Variants in ADAM23 observed in about 807,000 individuals in gnomAD.
ADAM23 encodes the protein ADAM metallopeptidase domain 23, also known as disintegrin and metalloproteinase domain-containing protein 23.
A neutral mutation model predicts 120.1 loss-of-function variants in ADAM23; 33 were observed. The ratio of observed to expected loss-of-function variants is 0.27; its 90% CI spans 0.21 to 0.37. ADAM23 has a LOEUF of 0.37. Among genes scored for constraint, ADAM23 ranks in the 10% least tolerant of loss-of-function variants. ADAM23 has a pLI of 1.00. For missense variants in ADAM23, 862 were observed against 1,058.2 expected (o/e 0.81, Z 2.57); for synonymous variants, 367 against 375.2 (o/e 0.98, Z 0.25).
intron 2 of ADAM23, among the ~76,000 whole-genome samples, chr2:206,465,358 A>G (rs1297598429): frequency 2.0e-5 from 3 of 152,196 alleles, no homozygotes; most frequent in African/African-American, 7.2e-5. Context: ...TGCAGATTCT[A>G]TAATTTTTAT....
chr2:206,585,066 G>A (rs955402438), intron 18 of ADAM23, among the ~76,000 whole-genome samples: 1 of 152,126 alleles, frequency 6.6e-6, no homozygotes, highest in African/African-American at 2.4e-5. Context: ...ACAGTATTTG[G>A]GTGTCTCCTG....
In ADAM23 at chr2:206,530,669, CTTTTTTTT is replaced by C. The variant is rs56206262; in HGVS notation, c.510-201_510-194del. Among the ~76,000 whole-genome samples the C allele has an allele frequency of 1.6e-4, 12 of 74,814 alleles. 1 individual carries two copies. Among genetic ancestry groups the C allele is most frequent in the African/African-American group, 2.6e-4 (5 of 19,150 alleles). 49.1% of individuals were successfully genotyped at this position (74,814 alleles called of 152,430 possible). On this transcript the variant is annotated intron_variant, in intron 3 of 25. Coordinates refer to ENST00000264377, the MANE Select transcript of ADAM23 (RefSeq NM_003812.4). ...CACCGTTGGATTGTCTGTGTCTTGT[CTTTTTTTT>C]TTTTTTTTTTTTTTCTGCAGATTGG...
In ADAM23 at chr2:206,561,122, C is replaced by A. The variant is rs1210760306; in HGVS notation, c.1170-6C>A. 4.0e-5 allele frequency: 64 copies of A among 1,613,684 alleles called. No individual in the cohort carries two copies. Among genetic ancestry groups the A allele is most frequent in the Non-Finnish European group, 5.2e-5 (61 of 1,179,836 alleles). On this transcript the variant is annotated splice_region_variant and splice_polypyrimidine_tract_variant and intron_variant, in intron 11 of 25. Coordinates refer to ENST00000264377, the MANE Select transcript of ADAM23 (RefSeq NM_003812.4). ...TGGTTTTCTGATAGCACTGCTTTTT[C>A]TTAAGGCGGGTGACATTTCACTATA...
intron 11 of ADAM23, among the ~76,000 whole-genome samples, 181 bp from the exon 12 acceptor site, chr2:206,560,947 G>A (rs536437112): frequency 2.8e-4 from 43 of 152,100 alleles, no homozygotes; most frequent in African/African-American, 4.8e-4. Flanking sequence ...TTGAAATTAC[G>A]TAACATAACA....
chr2:206,587,811 G>C (rs138935676), intron 19 of ADAM23, among the ~76,000 whole-genome samples: 2 of 152,070 alleles, frequency 1.3e-5, no homozygotes, highest in African/African-American at 4.8e-5. Context: ...AATCATTTTG[G>C]TGTCTCTCAC....
chr2:206,494,820 A>G (rs1057347955), intron 3 of ADAM23, among the ~76,000 whole-genome samples: 23 of 152,230 alleles, frequency 1.5e-4, no homozygotes, highest in African/African-American at 4.8e-4. Context: ...TGTACATGTG[A>G]AAACCATGGC....
chr2:206,534,907 G>A (rs141680218), intron 4 of ADAM23, among the ~76,000 whole-genome samples: 301 of 151,826 alleles, frequency 2.0e-3, no homozygotes, highest in African/African-American at 7.0e-3. Context: ...AAGGAAGAGC[G>A]GCTTGACTGC....
In ADAM23 at chr2:206,510,558, C is replaced by T. The variant is rs540836850; in HGVS notation, c.510-20327C>T. ...CTGGGCCCATCATGGGTCTTTTTAG[C>T]ATGGTTTCTCCATACTTCCTGGATT... On this transcript the variant is annotated intron_variant, in intron 3 of 25. Transcript: ENST00000264377. Among the ~76,000 whole-genome samples, 7 of 152,270 alleles carry T rather than the reference C, an allele frequency of 4.6e-5. No homozygotes were observed. In the East Asian group the frequency reaches 1.3e-3, roughly 29 times the overall value.
At chr2:206,586,292 A>G (rs1454256419) in intron 18 of ADAM23, among the ~76,000 whole-genome samples, 1 of 152,214 alleles carries the variant, frequency 6.6e-6, no homozygotes, top group African/African-American at 2.4e-5. Flanking sequence ...TAAGGTGACT[A>G]GGATAGAAGC....
chr2:206,493,091 A>G (rs1696165535), intron 3 of ADAM23, among the ~76,000 whole-genome samples: 1 of 152,142 alleles, frequency 6.6e-6, no homozygotes, highest in Admixed American at 6.5e-5. Context: ...AAGACTCTTG[A>G]TGGTCATCTG....
intron 4 of ADAM23, among the ~76,000 whole-genome samples, chr2:206,532,340 T>TA (rs942743619): frequency 1.3e-5 from 2 of 151,548 alleles, no homozygotes; most frequent in African/African-American, 2.4e-5. Context: ...TTTTTTTTTT[T>TA]AAAGAAACAG....
Position 206,548,448 on chromosome 2 carries a change from C to A in ADAM23, c.867+94C>A, listed in dbSNP as rs1697445837. 5 of 1,217,184 alleles carry A rather than the reference C, an allele frequency of 4.1e-6. No individual in the cohort carries two copies. The South Asian group carries it at 7.1e-5, about 17-fold the overall frequency. The allele number at this position is 1,217,184 out of a possible 1,614,324, so 75.4% of individuals were successfully genotyped here. A position where few individuals can be genotyped will look rare whatever the true frequency, so the allele number is the denominator to read the frequency against. ...TTATCTAAGTGTACCTAAAACAGTT[C>A]AGATTTTGGGGACTGTTGTTTAAAA... On this transcript the variant is annotated intron_variant, in intron 8 of 25. Transcript: ENST00000264377.
intron 2 of ADAM23, among the ~76,000 whole-genome samples, chr2:206,447,313 G>A (rs573655768): frequency 6.6e-4 from 100 of 152,260 alleles, no homozygotes; most frequent in Admixed American, 2.3e-3. Context: ...GTATTTGAAA[G>A]CATTTTTCTT....
chr2:206,522,261 T>C (rs532791668), intron 3 of ADAM23, among the ~76,000 whole-genome samples: 4 of 152,222 alleles, frequency 2.6e-5, no homozygotes, highest in African/African-American at 9.6e-5. Flanking sequence ...TATTTTTAGA[T>C]GTTTTTTGTT....
At chr2:206,597,851 A>C (rs925831576) in intron 24 of ADAM23, among the ~76,000 whole-genome samples, 2 of 152,234 alleles carry the variant, frequency 1.3e-5, no homozygotes, top group African/African-American at 4.8e-5. Context: ...ATGATTTCAG[A>C]TGCAGATGAA....
chr2:206,456,506 A>G (rs1391907018), intron 2 of ADAM23, among the ~76,000 whole-genome samples: 1 of 152,196 alleles, frequency 6.6e-6, no homozygotes, highest in Non-Finnish European at 1.5e-5. Flanking sequence ...ACTTCCCACC[A>G]GGTCCCTCCC....
chr2:206,600,279 A>C (rs1698616152), intron 24 of ADAM23, among the ~76,000 whole-genome samples: 1 of 152,178 alleles, frequency 6.6e-6, no homozygotes, highest in South Asian at 2.1e-4. Context: ...TGCCTGATTG[A>C]GCACAGTGTT....
At chr2:206,527,747 T>A (rs1696971722) in intron 3 of ADAM23, among the ~76,000 whole-genome samples, 1 of 152,158 alleles carries the variant, frequency 6.6e-6, no homozygotes, top group African/African-American at 2.4e-5. Flanking sequence ...ATGAGTGGAA[T>A]AATTAGTTTC....
chr2:206,449,851 A>G (rs1695156526), intron 2 of ADAM23, among the ~76,000 whole-genome samples: 2 of 152,068 alleles, frequency 1.3e-5, no homozygotes, highest in Admixed American at 6.5e-5. Context: ...TTGGGAAGGG[A>G]TTGTGGAGAT....
Sources: gnomAD v4.1 joint callset for allele counts (sites outside exome capture counted in the v4.1 genomes callset) on GRCh38, gnomAD v4.1.1 for gene constraint, MANE v1.5 for transcripts, NCBI Gene and HGNC (gene_info 2026-07-23, HGNC 2026-07-21) for gene names.